The following NFIA variants were observed in gnomAD, a reference collection of about 807,000 sequenced individuals.
The protein encoded by NFIA is nuclear factor 1 A-type.
A neutral mutation model predicts 62.8 loss-of-function variants in NFIA; 8 were observed. The ratio of observed to expected loss-of-function variants is 0.13; its 90% CI spans 0.07 to 0.23. The LOEUF (loss-of-function observed/expected upper bound fraction) is 0.23, where lower values mean the gene tolerates loss of function less well. Ranked by LOEUF, NFIA falls within the 10% of genes least tolerant of loss-of-function variation. The pLI is 1.00. For missense variants in NFIA, 410 were observed against 642.1 expected (o/e 0.64, Z 3.91); for synonymous variants, 235 against 238.1 (o/e 0.99, Z 0.12).
intron 3 of NFIA, among the ~76,000 whole-genome samples, chr1:61,288,425 G>A (rs1237018761): frequency 6.6e-6 from 1 of 152,176 alleles, no homozygotes; most frequent in African/African-American, 2.4e-5. Flanking sequence ...GAAATATAGT[G>A]TAACCTTTGA....
intron 2 of NFIA, among the ~76,000 whole-genome samples, chr1:61,144,762 A>G (rs1370670186): frequency 6.6e-6 from 1 of 152,200 alleles, no homozygotes; most frequent in East Asian, 1.9e-4. Flanking sequence ...CTGGCCTGGC[A>G]CAGGGTACAT....
intron 4 of NFIA, among the ~76,000 whole-genome samples, chr1:61,344,395 G>A (rs547516254): frequency 2.6e-5 from 4 of 152,072 alleles, no homozygotes; most frequent in Non-Finnish European, 2.9e-5. Context: ...CCCCTCCCCC[G>A]GTCTTCAAAT....
At chr1:61,214,364 G>C (rs1653470850) in intron 2 of NFIA, among the ~76,000 whole-genome samples, 1 of 151,662 alleles carries the variant, frequency 6.6e-6, no homozygotes, top group Non-Finnish European at 1.5e-5. Context: ...CCAGAATTTT[G>C]CTAATATCTT....
At chr1:61,333,248 C>T (rs569786334) in intron 4 of NFIA, among the ~76,000 whole-genome samples, 1 of 152,116 alleles carries the variant, frequency 6.6e-6, no homozygotes, top group Non-Finnish European at 1.5e-5. Flanking sequence ...CAAAATACCA[C>T]TTGTAGGTAA....
chr1:61,349,517 C>T (rs1348613914), intron 4 of NFIA, among the ~76,000 whole-genome samples: 2 of 152,154 alleles, frequency 1.3e-5, no homozygotes, highest in African/African-American at 4.8e-5. Context: ...CCATACTCCC[C>T]TGTTCCCATT....
At position 61,261,247 on chromosome 1, in the gene NFIA, C is replaced by T. The variant is rs191114418; in HGVS notation, c.560-16273C>T. 4.2e-3 allele frequency among the ~76,000 whole-genome samples: 646 copies of T among 152,258 alleles called. 2 individuals are homozygous for T. The highest frequency in any genetic ancestry group is 0.013 in the South Asian group (64 of 4,828). ...TTAAGCCAAATACCTTCAAGCTTTT[C>T]CCCTCTGTTGCACTCACATTTATGA... On this transcript the variant is annotated intron_variant, in intron 2 of 10. Transcript: ENST00000403491.
chr1:61,365,793 T>G (rs552067772), intron 6 of NFIA, among the ~76,000 whole-genome samples: 2 of 152,204 alleles, frequency 1.3e-5, no homozygotes, highest in Non-Finnish European at 2.9e-5. Context: ...CACAAAGTTA[T>G]GACAGATGAG....
At chr1:61,326,590 C>A (rs1430940219) in intron 3 of NFIA, among the ~76,000 whole-genome samples, 1 of 152,168 alleles carries the variant, frequency 6.6e-6, no homozygotes, top group African/African-American at 2.4e-5. Context: ...ACAGAAGATA[C>A]TTCCCCTCCT....
intron 3 of NFIA, among the ~76,000 whole-genome samples, chr1:61,284,000 T>C (rs1658324763): frequency 6.6e-6 from 1 of 152,220 alleles, no homozygotes; most frequent in Non-Finnish European, 1.5e-5. Context: ...TCTAGCACCA[T>C]TGACTTGTAA....
intron 10 of NFIA, among the ~76,000 whole-genome samples, chr1:61,437,492 TAGAG>T (rs1026626659): frequency 2.0e-5 from 3 of 152,046 alleles, no homozygotes; most frequent in African/African-American, 4.8e-5. Context: ...TGATTGATCT[TAGAG>T]AGGAGAAAGA....
At chr1:61,452,246 G>A (rs1476737850) in intron 10 of NFIA, among the ~76,000 whole-genome samples, 2 of 125,860 alleles carry the variant, frequency 1.6e-5, no homozygotes, top group Non-Finnish European at 3.3e-5. Flanking sequence ...AATTCAGGGA[G>A]ATGTATGAAT....
chr1:61,148,562 G>A (rs568762122), intron 2 of NFIA, among the ~76,000 whole-genome samples: 110 of 152,288 alleles, frequency 7.2e-4, no homozygotes, highest in African/African-American at 2.4e-3. Context: ...CTGACTAGTG[G>A]CACCGTTGAA....
chr1:61,082,354 C>T (rs1305944025), upstream of NFIA: 4 of 380,126 alleles, frequency 1.1e-5, no homozygotes, highest in Non-Finnish European at 1.4e-5. Context: ...GCCGCAGCCG[C>T]CCCCTCCCCC....
chr1:61,213,142 G>A (rs1653373199), intron 2 of NFIA, among the ~76,000 whole-genome samples: 1 of 152,184 alleles, frequency 6.6e-6, no homozygotes, highest in Non-Finnish European at 1.5e-5. Flanking sequence ...CAACAATAAT[G>A]AAATTTTAAA....
intron 2 of NFIA, among the ~76,000 whole-genome samples, chr1:61,241,613 A>G (rs1655352869): frequency 6.6e-6 from 1 of 151,964 alleles, no homozygotes; most frequent in Admixed American, 6.6e-5. Flanking sequence ...ATGGTGACCA[A>G]CTTCTCAGAA....
intron 3 of NFIA, among the ~76,000 whole-genome samples, chr1:61,308,439 A>G (rs1407184259): frequency 3.3e-5 from 5 of 152,264 alleles, no homozygotes; most frequent in Non-Finnish European, 4.4e-5. Context: ...TTTCTTTTTA[A>G]AATGAGTTAG....
chr1:61,098,285 A>G (rs1646450414), intron 2 of NFIA, among the ~76,000 whole-genome samples: 1 of 152,222 alleles, frequency 6.6e-6, no homozygotes, highest in African/African-American at 2.4e-5. Context: ...TTGAGAACTA[A>G]CGATAAGTGG....
intron 2 of NFIA, among the ~76,000 whole-genome samples, chr1:61,100,948 T>C (rs1646497217): frequency 1.3e-5 from 2 of 152,016 alleles, no homozygotes; most frequent in Non-Finnish European, 1.5e-5. Flanking sequence ...GCTTTTTTTT[T>C]TTTTACCATA....
At chr1:61,298,209 A>G (rs114814870) in intron 3 of NFIA, among the ~76,000 whole-genome samples, 6,966 of 152,142 alleles carry the variant, frequency 0.046, 524 homozygotes, top group African/African-American at 0.16. Context: ...TGATGGTTTT[A>G]TAAATGGTAT....
Sources: gnomAD v4.1 joint callset for allele counts (sites outside exome capture counted in the v4.1 genomes callset) on GRCh38, gnomAD v4.1.1 for gene constraint, MANE v1.5 for transcripts, NCBI Gene and HGNC (gene_info 2026-07-23, HGNC 2026-07-21) for gene names.